Variants in APOBEC1 observed in about 807,000 individuals in gnomAD.
APOBEC1 encodes the protein C->U-editing enzyme APOBEC-1.
In APOBEC1, 22 loss-of-function variants were observed where a neutral mutation model predicts 26.3. That is an observed-to-expected ratio of 0.84 (90% CI 0.60 to 1.19). The LOEUF (loss-of-function observed/expected upper bound fraction) is 1.19. Among genes scored for constraint, APOBEC1 ranks in the 50% most tolerant of loss-of-function variants. The pLI is 0.00. For missense variants in APOBEC1, 253 were observed against 289.0 expected (o/e 0.88, Z 0.90); for synonymous variants, 77 against 95.3 (o/e 0.81, Z 1.12).
chr12:7,652,915 T>TA (rs5796282), intron 2 of APOBEC1, 80 bp from the exon 3 acceptor site: 507,505 of 856,142 alleles, frequency 0.59, 149,743 homozygotes, highest in Middle Eastern at 0.66. Context: ...CCCTCTTCTT[T>TA]TTTTATTTTA....
chr12:7,662,254 C>T (rs1166908823), intron 1 of APOBEC1, among the ~76,000 whole-genome samples: 2 of 148,706 alleles, frequency 1.3e-5, no homozygotes, highest in African/African-American at 2.5e-5. Flanking sequence ...CAGAGCAAGA[C>T]GTTGTCTTTA....
rs1565439759 is a variant in APOBEC1, at chr12:7,652,535, GT to G, written c.344del (p.Tyr115SerfsTer2). On this transcript the variant is annotated frameshift_variant, in exon 3 of 5. Coordinates refer to ENST00000229304, the MANE Select transcript of APOBEC1 (RefSeq NM_001644.5). LOFTEE classifies it high-confidence loss of function. ...SRHPGVTLVI[Y>X]VARLFWHMDQ... is the part of the protein sequence containing the mutation. The stretch of plus-strand genomic sequence containing the variant: ...CCATGTGCCAAAAAAGCCGAGCTAC[GT>G]AGATCACTAGAGTCACACCAGGGTG... The G allele has an allele frequency of 1.2e-6, 2 of 1,614,176 alleles. No homozygotes were observed. The highest frequency in any genetic ancestry group is 1.7e-6 in the Non-Finnish European group (2 of 1,180,034).
chr12:7,654,102 C>T (rs1231800210), intron 2 of APOBEC1, among the ~76,000 whole-genome samples: 1 of 151,878 alleles, frequency 6.6e-6, no homozygotes, highest in Non-Finnish European at 1.5e-5. Context: ...CATTATAAAA[C>T]GAAGATGAAG....
At chr12:7,654,213 G>C (rs1437406763) in intron 2 of APOBEC1, among the ~76,000 whole-genome samples, 1 of 151,896 alleles carries the variant, frequency 6.6e-6, no homozygotes, top group African/African-American at 2.4e-5. Context: ...AGATAAGCAA[G>C]CTAGAAAATC....
chr12:7,666,251 T>C (rs1863890697), upstream of APOBEC1, among the ~76,000 whole-genome samples: 2 of 152,134 alleles, frequency 1.3e-5, no homozygotes, highest in South Asian at 4.1e-4. Context: ...GTTTTATTTA[T>C]TTATTTTTCA....
intron 1 of APOBEC1, among the ~76,000 whole-genome samples, chr12:7,656,092 C>G (rs1221823285): frequency 6.6e-6 from 1 of 152,060 alleles, no homozygotes; most frequent in Non-Finnish European, 1.5e-5. Flanking sequence ...CTGCTTCAGC[C>G]TCCCAAAGTG....
At chr12:7,660,367 G>GAAAAA (rs1565442341) in intron 1 of APOBEC1, among the ~76,000 whole-genome samples, 5 of 16,818 alleles carry the variant, frequency 3.0e-4, no homozygotes, top group African/African-American at 8.4e-4. Flanking sequence ...AAGGAAGGAA[G>GAAAAA]GAAGGAAGGA....
chr12:7,653,157 C>G (rs1424364167), intron 2 of APOBEC1, among the ~76,000 whole-genome samples: 1 of 152,056 alleles, frequency 6.6e-6, no homozygotes, highest in Non-Finnish European at 1.5e-5. Flanking sequence ...GTCTCAAACT[C>G]CTGACCTTGT....
upstream of APOBEC1, among the ~76,000 whole-genome samples, chr12:7,668,362 T>C (rs754196032): frequency 1.2e-4 from 19 of 152,160 alleles, no homozygotes; most frequent in Non-Finnish European, 2.4e-4. Context: ...TTTTATACCA[T>C]TAAGTCTGTG....
chr12:7,651,538 C>CGG (rs1318782378), intron 3 of APOBEC1, among the ~76,000 whole-genome samples: 7 of 151,342 alleles, frequency 4.6e-5, no homozygotes, highest in East Asian at 2.0e-4. Flanking sequence ...GGCGTGAACC[C>CGG]CAGGTGGAGC....
chr12:7,652,791 C>G lies in APOBEC1; in HGVS notation c.89G>C (p.Arg30Thr). The G allele has an allele frequency of 1.2e-6, 2 of 1,611,502 alleles. No individual in the cohort carries two copies. Among genetic ancestry groups the G allele is most frequent in the South Asian group, 1.1e-5 (1 of 90,758 alleles). Residue 30 changes from arginine (R) to threonine (T), a missense_variant, in exon 3 of 5, where the codon AGA (arginine) becomes ACA (threonine). By Grantham distance (71) the Arg-to-Thr change is moderately conservative. Coordinates refer to ENST00000229304, the MANE Select transcript of APOBEC1 (RefSeq NM_001644.5). ...CAGACAGGCCTCTTTACGAAGTTCT[C>G]TGGGGTCATAGAAGACGTCAAACTC... ...PWEFDVFYDP[R>T]ELRKEACLLY...
At chr12:7,666,613 A>G (rs1025166573), upstream of APOBEC1, among the ~76,000 whole-genome samples, 3 of 152,050 alleles carry the variant, frequency 2.0e-5, no homozygotes, top group African/African-American at 7.2e-5. Context: ...ATCATTCTTT[A>G]ATGGAGAGAT....
upstream of APOBEC1, among the ~76,000 whole-genome samples, chr12:7,669,731 ATTG>A (rs1320176925): frequency 2.0e-5 from 3 of 151,954 alleles, no homozygotes; most frequent in East Asian, 1.9e-4. Flanking sequence ...AAAATGCCAA[ATTG>A]TTGTTACCAG....
At chr12:7,660,398 A>AGGAC (rs1863798114) in intron 1 of APOBEC1, among the ~76,000 whole-genome samples, 1 of 104,740 alleles carries the variant, frequency 9.5e-6, no homozygotes, top group Admixed American at 9.0e-5. Flanking sequence ...GAAAGAAAGA[A>AGGAC]AGAAAGAAAG....
At chr12:7,665,398 A>G (rs1280042251) in intron 1 of APOBEC1, among the ~76,000 whole-genome samples, 2 of 152,032 alleles carry the variant, frequency 1.3e-5, no homozygotes, top group Non-Finnish European at 1.5e-5. Flanking sequence ...CCTGTGTTCA[A>G]GTGATCCTCC....
chr12:7,655,660 T>C (rs1332263470), intron 1 of APOBEC1, among the ~76,000 whole-genome samples: 7 of 151,616 alleles, frequency 4.6e-5, no homozygotes, highest in Admixed American at 6.6e-5. Context: ...GTTTGGAAAA[T>C]AGAAAAGGAG....
intron 2 of APOBEC1, 129 bp from the exon 3 acceptor site, chr12:7,652,964 C>G (rs1446954128): frequency 2.4e-6 from 2 of 822,064 alleles, no homozygotes; most frequent in Non-Finnish European, 3.2e-6. Context: ...GAGTCTCACA[C>G]TGTTGCCCAG....
intron 1 of APOBEC1, among the ~76,000 whole-genome samples, chr12:7,656,922 C>G (rs1296905378): frequency 2.0e-5 from 3 of 152,002 alleles, no homozygotes; most frequent in South Asian, 4.2e-4. Flanking sequence ...GAGGTGAGAG[C>G]CTCCTGTGTA....
chr12:7,669,195 C>CTTT (rs201005757), upstream of APOBEC1, among the ~76,000 whole-genome samples: 1 of 141,018 alleles, frequency 7.1e-6, no homozygotes, highest in African/African-American at 2.6e-5. Context: ...TCAGCTTTTC[C>CTTT]TTTTTTTTTT....
Sources: gnomAD v4.1 joint callset for allele counts (sites outside exome capture counted in the v4.1 genomes callset) on GRCh38, gnomAD v4.1.1 for gene constraint, MANE v1.5 for transcripts, NCBI Gene and HGNC (gene_info 2026-07-23, HGNC 2026-07-21) for gene names.